ATP6V0A4: variants seen among roughly 807,000 people sequenced by gnomAD.
ATP6V0A4 encodes V-type proton ATPase 116 kDa subunit a 4.
In ATP6V0A4, 86 loss-of-function variants were observed where a neutral mutation model predicts 107.3. That is an observed-to-expected ratio of 0.80 (90% CI 0.67 to 0.96). The LOEUF is 0.96. Ranked by LOEUF, ATP6V0A4 falls within the 40% of genes least tolerant of loss-of-function variation. The pLI is 0.00. For missense variants in ATP6V0A4, 908 were observed against 1,045.6 expected (o/e 0.87, Z 1.81); for synonymous variants, 353 against 381.4 (o/e 0.93, Z 0.87).
Position 138,762,591 on chromosome 7 carries a change from AG to A in ATP6V0A4, c.418-158del, listed in dbSNP as rs1266971485. 8.0e-6 allele frequency: 7 copies of A among 871,622 alleles called. No homozygotes were observed. The Admixed American group carries it at 2.5e-4, about 31-fold the overall frequency. 54.0% of individuals were successfully genotyped at this position (871,622 alleles called of 1,614,324 possible). On this transcript the variant is annotated intron_variant, in intron 6 of 21. Transcript: ENST00000310018. Reference sequence around the variant, plus strand: ...CAGAGTGCTCCTGGCCAGATCAAAAAGCTTCCCTGGTCTTTTCCTACCAAAA... The same window carrying A: ...CAGAGTGCTCCTGGCCAGATCAAAAACTTCCCTGGTCTTTTCCTACCAAAA...
At chr7:138,770,905 C>G (rs2117337094) in intron 3 of ATP6V0A4, among the ~76,000 whole-genome samples, 1 of 152,272 alleles carries the variant, frequency 6.6e-6, no homozygotes, top group South Asian at 2.1e-4. Flanking sequence ...TCAAGACATT[C>G]CTATAGAGGA....
intron 19 of ATP6V0A4, among the ~76,000 whole-genome samples, chr7:138,719,327 C>G (rs1226638370): frequency 6.6e-6 from 1 of 152,172 alleles, no homozygotes; most frequent in African/African-American, 2.4e-5. Context: ...TGGGACCACA[C>G]CTGATCGTTT....
intron 7 of ATP6V0A4, among the ~76,000 whole-genome samples, chr7:138,760,978 T>TA (rs201723645): frequency 7.3e-5 from 11 of 151,436 alleles, no homozygotes; most frequent in South Asian, 4.2e-4. Flanking sequence ...TTTTTTTTAT[T>TA]AAAATTTTTT....
At chr7:138,748,514 C>G (rs1458772064) in intron 12 of ATP6V0A4, among the ~76,000 whole-genome samples, 1 of 152,168 alleles carries the variant, frequency 6.6e-6, no homozygotes, top group African/African-American at 2.4e-5. Context: ...TCAAGCGATT[C>G]TCCTGCCTCT....
intron 1 of ATP6V0A4, among the ~76,000 whole-genome samples, chr7:138,791,668 T>C (rs1808418793): frequency 1.3e-5 from 2 of 152,254 alleles, no homozygotes; most frequent in Non-Finnish European, 2.9e-5. Flanking sequence ...AATGAAATGT[T>C]ATCTTTAAAG....
Position 138,769,193 on chromosome 7 carries a change from T to A in ATP6V0A4, c.176A>T (p.Glu59Val), listed in dbSNP as rs751987249. 2.5e-6 allele frequency: 4 copies of A among 1,611,822 alleles called. No homozygotes were observed. The highest frequency in any genetic ancestry group is 3.4e-6 in the Non-Finnish European group (4 of 1,179,862). The change falls in exon 4 of 22, where the codon GAA becomes GTA. Residue 59 changes from glutamate (E) to valine (V), a missense_variant. By Grantham distance (121) the Glu-to-Val change is moderately radical. Coordinates refer to ENST00000310018, the MANE Select transcript of ATP6V0A4 (RefSeq NM_020632.3). Reference sequence around the variant, plus strand: ...CTTACGGAGGATTCTCTCCAGTGATTCACACCTTCTGACTTCATTCACAAA... The same window carrying A: ...CTTACGGAGGATTCTCTCCAGTGATACACACCTTCTGACTTCATTCACAAA... Reference protein sequence around the residue: ...RKFVNEVRRCESLERILRFLE... With the variant: ...RKFVNEVRRCVSLERILRFLE...
intron 17 of ATP6V0A4, 64 bp downstream of exon 17, chr7:138,732,813 G>T: frequency 7.0e-7 from 1 of 1,430,220 alleles, no homozygotes; most frequent in South Asian, 1.3e-5. Context: ...AAAAGAGTAG[G>T]AGAGAAATTT....
chr7:138,772,437 A>G (rs778573079), intron 2 of ATP6V0A4, among the ~76,000 whole-genome samples: 1 of 152,178 alleles, frequency 6.6e-6, no homozygotes, highest in Non-Finnish European at 1.5e-5. Context: ...TGTATATGGA[A>G]GAAGGATGCC....
chr7:138,729,405 G>A (rs76045280), intron 17 of ATP6V0A4, among the ~76,000 whole-genome samples: 170 of 152,222 alleles, frequency 1.1e-3, no homozygotes, highest in Non-Finnish European at 2.0e-3. Flanking sequence ...CCTCACCATC[G>A]CTACCTGACT....
intron 19 of ATP6V0A4, among the ~76,000 whole-genome samples, chr7:138,718,048 G>GAGTA (rs1470139806): frequency 8.0e-3 from 6 of 752 alleles, no homozygotes; most frequent in African/African-American, 0.027. Flanking sequence ...GAAGGAGTGG[G>GAGTA]GGGGTACAGT....
chr7:138,734,226 G>A lies in ATP6V0A4; in HGVS notation c.1601C>T (p.Thr534Ile), dbSNP rs772991958. 19 of 1,613,422 alleles carry A rather than the reference G, an allele frequency of 1.2e-5. 1 individual carries two copies. The South Asian group carries it at 1.8e-4, about 15-fold the overall frequency. ...PIWNLASNKLTFLNSYKMKMS... is the reference protein window; with the variant it reads ...PIWNLASNKLIFLNSYKMKMS... ...CTTCATTTTATACGAGTTCAGAAATGTGAGTTTGTTTGAAGCCAAGTTCCA... is the reference window on the plus strand; with the variant it reads ...CTTCATTTTATACGAGTTCAGAAATATGAGTTTGTTTGAAGCCAAGTTCCA... Residue 534 changes from threonine (T) to isoleucine (I), a missense_variant, in exon 16 of 22, where the codon ACA (threonine) becomes ATA (isoleucine). By Grantham distance (89) the Thr-to-Ile change is moderately conservative. Transcript: ENST00000310018.
chr7:138,762,137 A>G (rs1806851887), intron 7 of ATP6V0A4, among the ~76,000 whole-genome samples: 1 of 152,200 alleles, frequency 6.6e-6, no homozygotes, highest in African/African-American at 2.4e-5. Flanking sequence ...CAAGGAGGTC[A>G]GCATCGCCAC....
intron 13 of ATP6V0A4, among the ~76,000 whole-genome samples, chr7:138,745,767 A>C (rs1260332350): frequency 1.4e-5 from 2 of 147,730 alleles, no homozygotes; most frequent in East Asian, 4.0e-4. Flanking sequence ...CAGCCTGACC[A>C]ACATGGTGAA....
intron 2 of ATP6V0A4, among the ~76,000 whole-genome samples, chr7:138,776,612 T>C (rs1207346016): frequency 1.3e-5 from 2 of 152,182 alleles, no homozygotes; most frequent in African/African-American, 4.8e-5. Flanking sequence ...AGGCAGGTGT[T>C]TGCTTTGTCT....
intron 1 of ATP6V0A4, among the ~76,000 whole-genome samples, chr7:138,796,310 C>A (rs190696902): frequency 1.3e-3 from 194 of 152,146 alleles, no homozygotes; most frequent in African/African-American, 4.0e-3. Flanking sequence ...TGAAAATCAC[C>A]CTTCCTAGGG....
chr7:138,709,572 C>T (rs1353256880), intron 21 of ATP6V0A4, 52 bp downstream of exon 21: 1 of 1,577,338 alleles, frequency 6.3e-7, no homozygotes, highest in African/African-American at 1.3e-5. Flanking sequence ...GCCCCACAGC[C>T]CACTCCCTTT....
chr7:138,770,414 G>A (rs866188154), intron 3 of ATP6V0A4, among the ~76,000 whole-genome samples: 1 of 152,066 alleles, frequency 6.6e-6, no homozygotes, highest in Admixed American at 6.5e-5. Flanking sequence ...TCCATGTAAC[G>A]TATCACAGTC....
chr7:138,792,296 T>C (rs1315580278), intron 1 of ATP6V0A4, among the ~76,000 whole-genome samples: 2 of 152,072 alleles, frequency 1.3e-5, no homozygotes, highest in Non-Finnish European at 2.9e-5. Context: ...AGTGGGTAAA[T>C]GGAGTTAAAG....
At chr7:138,730,887 C>G (rs1425999937) in intron 17 of ATP6V0A4, among the ~76,000 whole-genome samples, 1 of 151,760 alleles carries the variant, frequency 6.6e-6, no homozygotes, top group Non-Finnish European at 1.5e-5. Flanking sequence ...TACACTCACT[C>G]CTTATGAAAA....
Sources: allele counts gnomAD v4.1 joint callset (sites outside exome capture counted in the v4.1 genomes callset), GRCh38; gene constraint gnomAD v4.1.1; transcripts MANE v1.5; gene names NCBI Gene and HGNC (gene_info 2026-07-23, HGNC 2026-07-21).